The following TTK variants were observed in gnomAD, a reference collection of about 807,000 sequenced individuals.
TTK encodes the protein dual specificity protein kinase TTK.
TTK carries 59 observed loss-of-function variants against 117.3 expected under a neutral mutation model. That is an observed-to-expected ratio of 0.50 (90% confidence interval 0.41 to 0.62). The LOEUF (loss-of-function observed/expected upper bound fraction) is 0.62, where lower values mean the gene tolerates loss of function less well. Ranked by LOEUF, TTK falls within the 20% of genes least tolerant of loss-of-function variation. The pLI, the probability that TTK is intolerant of heterozygous loss-of-function variation, is 0.00. For synonymous variants in TTK, 302 were observed against 325.0 expected, an observed-to-expected ratio of 0.93 and a Z score of 0.76; for missense variants, 921 against 989.4, an observed-to-expected ratio of 0.93 and a Z score of 0.93.
At chr6:80,027,452 G>A (rs1317252786) in intron 12 of TTK, among the ~76,000 whole-genome samples, 1 of 152,062 alleles carries the variant, frequency 6.6e-6, no homozygotes, top group Non-Finnish European at 1.5e-5. Flanking sequence ...GGCAAACAAA[G>A]CACAAATGTA....
At chr6:80,021,231 T>C (rs566656396) in intron 10 of TTK, among the ~76,000 whole-genome samples, 43 of 152,276 alleles carry the variant, frequency 2.8e-4, no homozygotes, top group Middle Eastern at 3.4e-3. Flanking sequence ...ACAAGGGTGG[T>C]CTCCCTAGCT....
chr6:80,011,657 G>A (rs1260975719), intron 6 of TTK, 72 bp from the exon 7 acceptor site: 3 of 1,569,436 alleles, frequency 1.9e-6, no homozygotes, highest in African/African-American at 2.7e-5. Context: ...GTGTGATAAT[G>A]TTTAGCAGTA....
chr6:80,024,457 A>C (rs765108769), intron 11 of TTK, among the ~76,000 whole-genome samples: 3 of 152,240 alleles, frequency 2.0e-5, no homozygotes, highest in Non-Finnish European at 4.4e-5. Context: ...GTTACAACAT[A>C]AGTGAACATT....
chr6:80,012,550 G>A (rs1582090712), intron 8 of TTK, among the ~76,000 whole-genome samples: 1 of 152,064 alleles, frequency 6.6e-6, no homozygotes, highest in East Asian at 1.9e-4. Context: ...CTAAAGGAGA[G>A]TTATTTTGGC....
intron 17 of TTK, 25 bp from the exon 18 acceptor site, chr6:80,037,942 G>T: frequency 1.4e-6 from 2 of 1,454,614 alleles, no homozygotes; most frequent in Non-Finnish European, 9.2e-7. Context: ...TCATTGATTT[G>T]TGTTTTCTCT....
chr6:80,024,117 G>A (rs1045070239), intron 11 of TTK, among the ~76,000 whole-genome samples: 5 of 152,310 alleles, frequency 3.3e-5, no homozygotes, highest in African/African-American at 1.2e-4. Flanking sequence ...ACAAGTGTTG[G>A]CAAGGATGTG....
Position 80,040,243 on chromosome 6 carries a change from C to G in TTK, c.2355C>G (p.Leu785=), listed in dbSNP as rs370256471. The G allele has an allele frequency of 2.5e-6, 4 of 1,592,448 alleles. No individual in the cohort carries two copies. The highest frequency in any genetic ancestry group is 3.4e-6 in the Non-Finnish European group (4 of 1,170,248). The change falls in exon 20 of 22, where the codon CTC becomes CTG. Residue 785 remains leucine (L), a synonymous_variant. Transcript: ENST00000369798. ...AACAGAGGATATCCATTCCTGAGCT[C>G]CTGGCTCATCCATATGTTCAAATTC... ...DPKQRISIPE[L]LAHPYVQIQT...
Position 80,010,951 on chromosome 6 carries a change from T to C in TTK, c.607T>C (p.Leu203=). Residue 203 remains leucine (L), a synonymous_variant, in exon 5 of 22, where the codon TTA becomes CTA. Transcript: ENST00000369798. ...QLLSEEEKKN[L]SASTVLTAQE... ...GCTTTCAGAGGAGGAAAAGAAGAAT[T>C]TATCAGGTAACTATTAAGGTATACT... 1 of 1,611,712 alleles carries C rather than the reference T, an allele frequency of 6.2e-7. No homozygotes were observed. Among genetic ancestry groups the C allele is most frequent in the Non-Finnish European group, 8.5e-7 (1 of 1,178,340 alleles).
intron 4 of TTK, among the ~76,000 whole-genome samples, chr6:80,008,955 G>GTGTGTGTGTA (rs1484433712): frequency 6.6e-6 from 1 of 150,812 alleles, no homozygotes; most frequent in African/African-American, 2.5e-5. Flanking sequence ...GTGTGTGTGT[G>GTGTGTGTGTA]TGTGTGTGTG....
chr6:80,037,950 T>C lies in TTK; in HGVS notation c.2050-17T>C. ...AATATTTTCATTGATTTGTGTTTTC[T>C]CTGACTTGGCATATAGGTTGGCACA... is the stretch of plus-strand genomic sequence containing the variant. On this transcript the variant is annotated splice_polypyrimidine_tract_variant and intron_variant, in intron 17 of 21. Coordinates refer to ENST00000369798, the MANE Select transcript of TTK (RefSeq NM_003318.5). The C allele has an allele frequency of 6.6e-7, 1 of 1,507,126 alleles. No homozygotes were observed. Among genetic ancestry groups the C allele is most frequent in the Non-Finnish European group, 8.9e-7 (1 of 1,125,556 alleles). The allele number at this position is 1,507,126 out of a possible 1,614,324, so 93.4% of individuals were successfully genotyped here.
intron 21 of TTK, among the ~76,000 whole-genome samples, chr6:80,041,488 A>G (rs888584556): frequency 6.6e-6 from 1 of 151,514 alleles, no homozygotes; most frequent in Non-Finnish European, 1.5e-5. Context: ...AAGTGGACCA[A>G]ATTTGTTTTG....
At chr6:80,028,370 T>C (rs574747771) in intron 13 of TTK, among the ~76,000 whole-genome samples, 1 of 152,048 alleles carries the variant, frequency 6.6e-6, no homozygotes, top group Non-Finnish European at 1.5e-5. Flanking sequence ...CAAGCTGGAG[T>C]GCAGTGGCGC....
At chr6:80,035,828 G>A (rs540131178) in intron 16 of TTK, among the ~76,000 whole-genome samples, 66 of 152,100 alleles carry the variant, frequency 4.3e-4, no homozygotes, top group African/African-American at 1.5e-3. Flanking sequence ...GTTTTTTACT[G>A]TTAGGCCTAC....
At chr6:80,021,175 T>TA (rs1180333722) in intron 10 of TTK, among the ~76,000 whole-genome samples, 5 of 152,368 alleles carry the variant, frequency 3.3e-5, no homozygotes, top group African/African-American at 9.6e-5. Context: ...AACTGAGTGT[T>TA]ACAGCAGCTG....
At chr6:80,031,901 C>T (rs239586) in intron 14 of TTK, among the ~76,000 whole-genome samples, 93,982 of 152,028 alleles carry the variant, frequency 0.62, 29,489 homozygotes, top group Admixed American at 0.73. Context: ...ATGTAAATTG[C>T]TAATATGTTT....
chr6:80,005,757 G>C (rs1766974869), intron 1 of TTK, 85 bp from the exon 2 acceptor site: 1 of 1,480,924 alleles, frequency 6.8e-7, no homozygotes, highest in East Asian at 2.3e-5. Context: ...GAATGCTTTA[G>C]TCGTCTGGGT....
chr6:80,010,821 CA>C lies in TTK; in HGVS notation c.484del (p.Ser162ValfsTer9), dbSNP rs751135082. 6 of 1,600,172 alleles carry C rather than the reference CA, an allele frequency of 3.7e-6. No individual in the cohort carries two copies. The highest frequency in any genetic ancestry group is 1.7e-5 in the Admixed American group (1 of 59,156). ...AQFELSQGNV[K>X]KSKQLLQKAV... ...TATCTTTTGCTTTGTTAGGTAATGT[CA>C]AAAAAAGTAAACAACTTCTTCAAAA... On this transcript the variant is annotated frameshift_variant, in exon 5 of 22. Coordinates refer to ENST00000369798, the MANE Select transcript of TTK (RefSeq NM_003318.5). LOFTEE classifies it high-confidence loss of function.
At chr6:80,020,453 C>G (rs567608206) in intron 10 of TTK, among the ~76,000 whole-genome samples, 2 of 152,076 alleles carry the variant, frequency 1.3e-5, no homozygotes, top group Non-Finnish European at 2.9e-5. Flanking sequence ...CTCAACTCAA[C>G]TAGCTTAATA....
chr6:80,038,958 C>T (rs1767977138), intron 18 of TTK, among the ~76,000 whole-genome samples: 1 of 151,934 alleles, frequency 6.6e-6, no homozygotes, highest in African/African-American at 2.4e-5. Context: ...CATTTAATGC[C>T]CATGACAATG....
Sources: allele counts gnomAD v4.1 joint callset (sites outside exome capture counted in the v4.1 genomes callset), GRCh38; gene constraint gnomAD v4.1.1; transcripts MANE v1.5; gene names NCBI Gene and HGNC (gene_info 2026-07-23, HGNC 2026-07-21).